RAPGEF4: variants seen among roughly 807,000 people sequenced by gnomAD.
RAPGEF4 encodes RAP guanine-nucleotide-exchange factor (GEF) 4.
RAPGEF4 carries 66 observed loss-of-function variants against 147.9 expected under a neutral mutation model. The observed-to-expected ratio is 0.45, with a 90% CI of 0.37 to 0.55. The LOEUF is 0.55. RAPGEF4 is among the 20% of genes least tolerant of loss of function. The probability of loss-of-function intolerance (pLI) is 0.00; values close to 1 mark genes in which losing one functional copy is unlikely to be tolerated. For synonymous variants in RAPGEF4, 419 were observed against 442.7 expected, an observed-to-expected ratio of 0.95 and a Z score of 0.67; for missense variants, 1,071 against 1,257.3, an observed-to-expected ratio of 0.85 and a Z score of 2.24.
At chr2:172,883,946 G>A (rs1029777695) in intron 4 of RAPGEF4, among the ~76,000 whole-genome samples, 3 of 152,306 alleles carry the variant, frequency 2.0e-5, no homozygotes, top group East Asian at 3.9e-4. Flanking sequence ...GAGAGAAGGG[G>A]AGAAATTATA....
At chr2:172,756,449 T>C (rs748329745) in intron 1 of RAPGEF4, among the ~76,000 whole-genome samples, 3 of 152,178 alleles carry the variant, frequency 2.0e-5, no homozygotes, top group South Asian at 2.1e-4. Context: ...TGGGTGAGCC[T>C]CCAGGGTCCA....
intron 3 of RAPGEF4, among the ~76,000 whole-genome samples, chr2:172,801,416 G>A (rs1011774023): frequency 2.6e-5 from 4 of 152,188 alleles, no homozygotes; most frequent in Admixed American, 1.3e-4. Context: ...GAGAGCCAGA[G>A]GGATGTAGTG....
chr2:172,971,173 A>G (rs900908670), intron 10 of RAPGEF4, among the ~76,000 whole-genome samples: 3 of 152,196 alleles, frequency 2.0e-5, no homozygotes, highest in African/African-American at 7.2e-5. Context: ...GTGACTAGGT[A>G]AACAGAGTAT....
At chr2:172,763,191 T>A (rs982349437) in intron 1 of RAPGEF4, among the ~76,000 whole-genome samples, 9 of 152,200 alleles carry the variant, frequency 5.9e-5, no homozygotes, top group Non-Finnish European at 1.3e-4. Context: ...AAGTACACCC[T>A]CTTCTTCACC....
chr2:172,942,590 AAT>A (rs1687277900), intron 6 of RAPGEF4, among the ~76,000 whole-genome samples: 1 of 150,618 alleles, frequency 6.6e-6, no homozygotes, highest in African/African-American at 2.4e-5. Flanking sequence ...AAAAAAAAAA[AAT>A]TCAGTAACCA....
intron 4 of RAPGEF4, among the ~76,000 whole-genome samples, chr2:172,869,981 G>A (rs1056036942): frequency 1.3e-5 from 2 of 152,056 alleles, no homozygotes; most frequent in African/African-American, 4.8e-5. Flanking sequence ...CTCCACTCCC[G>A]GGGAGTGGGC....
At chr2:172,746,505 T>A (rs1452403018) in intron 1 of RAPGEF4, among the ~76,000 whole-genome samples, 1 of 152,222 alleles carries the variant, frequency 6.6e-6, no homozygotes, top group Admixed American at 6.5e-5. Context: ...AATCTTAAAA[T>A]GCTTATCCGT....
chr2:172,872,859 A>G (rs1695408989), intron 4 of RAPGEF4, among the ~76,000 whole-genome samples: 1 of 152,130 alleles, frequency 6.6e-6, no homozygotes, highest in African/African-American at 2.4e-5. Context: ...AGAATGGCCT[A>G]ATACCAGCAG....
chr2:172,743,695 A>G lies in RAPGEF4; in HGVS notation c.65+7647A>G, dbSNP rs550746479. 8.1e-4 allele frequency among the ~76,000 whole-genome samples: 124 copies of G among 152,284 alleles called. 2 individuals carry two copies. Among genetic ancestry groups the G allele is most frequent in the African/African-American group, 2.9e-3 (122 of 41,548 alleles). Reference sequence around the variant, plus strand: ...CACTGTCTGGCCAATGAGACATAGCAGAAGTCTACAGGAGGCTTCCAGGGA... The same window carrying G: ...CACTGTCTGGCCAATGAGACATAGCGGAAGTCTACAGGAGGCTTCCAGGGA... On this transcript the variant is annotated intron_variant, in intron 1 of 30. Transcript: ENST00000397081.
intron 17 of RAPGEF4, among the ~76,000 whole-genome samples, chr2:173,008,027 G>A (rs1355738639): frequency 6.6e-6 from 1 of 150,830 alleles, no homozygotes; most frequent in African/African-American, 2.4e-5. Flanking sequence ...ATCCCCATGT[G>A]TTGGGGGCAG....
chr2:172,848,822 A>G (rs1692503944), intron 4 of RAPGEF4, among the ~76,000 whole-genome samples: 1 of 152,204 alleles, frequency 6.6e-6, no homozygotes, highest in African/African-American at 2.4e-5. Context: ...GCAGGTACCA[A>G]GATATCTTCC....
At chr2:173,025,913 T>C (rs1308781909) in intron 23 of RAPGEF4, among the ~76,000 whole-genome samples, 1 of 152,234 alleles carries the variant, frequency 6.6e-6, no homozygotes, top group African/African-American at 2.4e-5. Context: ...ATGGAAACTT[T>C]TAGTGAGGGG....
intron 17 of RAPGEF4, among the ~76,000 whole-genome samples, chr2:173,008,092 T>C (rs1309788264): frequency 6.6e-6 from 1 of 152,092 alleles, no homozygotes; most frequent in Non-Finnish European, 1.5e-5. Context: ...GTTCTCGTGA[T>C]AGTGAGTGAG....
rs995792062 is a variant in RAPGEF4 at position 173,035,989 on chromosome 2, C to T, written c.2701-136C>T. The T allele has an allele frequency of 3.9e-5, 26 of 660,316 alleles. 1 individual carries two copies. In the African/African-American group the frequency reaches 4.1e-4, roughly 10 times the overall value. The allele number at this position is 660,316 out of a possible 1,614,324, so 40.9% of individuals were successfully genotyped here. A position where few individuals can be genotyped will look rare whatever the true frequency, so the allele number is the denominator to read the frequency against. ...CAGAAGAAAAGCCATGTATAAGTGA[C>T]CCACACAATTCAAACCTGTGTTGTT... On this transcript the variant is annotated intron_variant, in intron 27 of 30. Transcript: ENST00000397081.
intron 6 of RAPGEF4, among the ~76,000 whole-genome samples, chr2:172,942,568 TAA>T (rs60948094): frequency 0.069 from 7,421 of 107,574 alleles, 226 homozygotes; most frequent in Middle Eastern, 0.098. Flanking sequence ...TAGAGTCTGG[TAA>T]AAAAAAAAAA....
At chr2:172,945,864 T>A (rs1290830609) in intron 6 of RAPGEF4, among the ~76,000 whole-genome samples, 1 of 152,210 alleles carries the variant, frequency 6.6e-6, no homozygotes, top group East Asian at 1.9e-4. Context: ...TCTAAGAGTT[T>A]ATTCAGAAGA....
At chr2:173,014,875 G>A (rs540364845) in intron 18 of RAPGEF4, among the ~76,000 whole-genome samples, 12 of 152,146 alleles carry the variant, frequency 7.9e-5, no homozygotes, top group Admixed American at 2.0e-4. Flanking sequence ...TTGTAGTCAC[G>A]TAGCACCCAT....
At position 173,014,979 on chromosome 2, in the gene RAPGEF4, A is replaced by T. The variant is rs569579457; in HGVS notation, c.1809+365A>T. ...AAAATTTATTTACATCTCCTGAAGT[A>T]ATCAAAAAAATATCTAATGACCATT... On this transcript the variant is annotated intron_variant, in intron 18 of 30. Transcript: ENST00000397081. 8.5e-5 allele frequency among the ~76,000 whole-genome samples: 13 copies of T among 152,338 alleles called. No individual in the cohort carries two copies. In the South Asian group the frequency reaches 2.7e-3, roughly 32 times the overall value.
chr2:173,048,330 G>A (rs1685755446), intron 29 of RAPGEF4: 2 of 554,596 alleles, frequency 3.6e-6, no homozygotes, highest in Non-Finnish European at 5.5e-6. Flanking sequence ...AGGCATGATA[G>A]ATGTTTTTTA....
Sources: gnomAD v4.1 joint callset for allele counts (sites outside exome capture counted in the v4.1 genomes callset) on GRCh38, gnomAD v4.1.1 for gene constraint, MANE v1.5 for transcripts, NCBI Gene and HGNC (gene_info 2026-07-23, HGNC 2026-07-21) for gene names.